CDK14: variants seen among roughly 807,000 people sequenced by gnomAD.
CDK14 encodes the protein cyclin-dependent kinase 14.
CDK14 carries 34 observed loss-of-function variants against 60.7 expected under a neutral mutation model. The ratio of observed to expected loss-of-function variants is 0.56; its 90% confidence interval spans 0.43 to 0.75. The LOEUF (loss-of-function observed/expected upper bound fraction) is 0.75, where lower values mean the gene tolerates loss of function less well. CDK14 is among the 30% of genes least tolerant of loss of function. The probability of loss-of-function intolerance (pLI) is 0.00; values close to 1 mark genes in which losing one functional copy is unlikely to be tolerated. For synonymous variants in CDK14, 197 were observed against 203.7 expected, an observed-to-expected ratio of 0.97 and a Z score of 0.28; for missense variants, 482 against 564.1, an observed-to-expected ratio of 0.85 and a Z score of 1.47.
chr7:91,178,917 A>G (rs1352049233), intron 14 of CDK14, among the ~76,000 whole-genome samples: 1 of 152,136 alleles, frequency 6.6e-6, no homozygotes, highest in Non-Finnish European at 1.5e-5. Flanking sequence ...TCAGGGATCT[A>G]GAACTAGAAA....
chr7:90,939,793 G>A (rs1793862002), intron 8 of CDK14, among the ~76,000 whole-genome samples: 1 of 151,978 alleles, frequency 6.6e-6, no homozygotes, highest in Non-Finnish European at 1.5e-5. Flanking sequence ...GGTTTTAGTA[G>A]CTAAATGAGC....
intron 11 of CDK14, among the ~76,000 whole-genome samples, chr7:91,066,547 T>G (rs1186761370): frequency 6.7e-6 from 1 of 149,222 alleles, no homozygotes; most frequent in Non-Finnish European, 1.5e-5. Context: ...ATAAGGAAAA[T>G]TAAAATTAAT....
intron 2 of CDK14, among the ~76,000 whole-genome samples, chr7:90,626,896 A>G (rs936211759): frequency 1.3e-5 from 2 of 151,536 alleles, no homozygotes; most frequent in Non-Finnish European, 2.9e-5. Context: ...CTCTGATTGC[A>G]CCATCGCACT....
intron 5 of CDK14, among the ~76,000 whole-genome samples, chr7:90,809,016 A>G (rs1788979727): frequency 6.6e-6 from 1 of 152,182 alleles, no homozygotes; most frequent in Admixed American, 6.5e-5. Flanking sequence ...CCATACAATA[A>G]TAATGGGAGA....
chr7:91,157,545 T>C (rs1420759690), intron 14 of CDK14, among the ~76,000 whole-genome samples: 2 of 152,244 alleles, frequency 1.3e-5, no homozygotes, highest in Non-Finnish European at 2.9e-5. Context: ...CATTGTAGCA[T>C]GGCCATTAGG....
chr7:91,089,353 C>T (rs921576623), intron 12 of CDK14, among the ~76,000 whole-genome samples: 4 of 152,058 alleles, frequency 2.6e-5, no homozygotes, highest in South Asian at 2.1e-4. Context: ...ATATGTCTGT[C>T]GGCTGAAGAG....
intron 7 of CDK14, among the ~76,000 whole-genome samples, chr7:90,902,330 G>A (rs756477921): frequency 2.2e-4 from 33 of 151,956 alleles, no homozygotes; most frequent in African/African-American, 6.8e-4. Flanking sequence ...TTCATACTAC[G>A]TGACTTCAAA....
intron 12 of CDK14, among the ~76,000 whole-genome samples, chr7:91,100,424 C>T (rs750005183): frequency 8.5e-5 from 13 of 152,106 alleles, no homozygotes; most frequent in Non-Finnish European, 1.6e-4. Flanking sequence ...GACAGTAGAG[C>T]GGAAACATGA....
At chr7:90,636,041 C>A (rs1179964180) in intron 2 of CDK14, among the ~76,000 whole-genome samples, 4 of 150,764 alleles carry the variant, frequency 2.7e-5, no homozygotes. Context: ...TGGGCTGAGA[C>A]AATGGGGTTT....
chr7:90,726,797 C>G lies in CDK14; in HGVS notation c.354C>G (p.His118Gln), dbSNP rs1357402624. ...TGKESPKVRR[H>Q]SSPSSPTSPK... Reference sequence around the variant, plus strand: ...AAGAGTCACCTAAAGTTAGGCGGCACTCCAGCCCCAGCTCGGTAAGTGCAG... The same window carrying G: ...AAGAGTCACCTAAAGTTAGGCGGCAGTCCAGCCCCAGCTCGGTAAGTGCAG... The change falls in exon 3 of 15, where the codon CAC becomes CAG. Residue 118 changes from histidine (H) to glutamine (Q), a missense_variant. Transcript: ENST00000380050. 1.9e-6 allele frequency: 3 copies of G among 1,613,556 alleles called. No homozygotes were observed. The highest frequency in any genetic ancestry group is 8.5e-7 in the Non-Finnish European group (1 of 1,179,756).
At chr7:91,031,481 T>C (rs1044500177) in intron 10 of CDK14, among the ~76,000 whole-genome samples, 3 of 152,040 alleles carry the variant, frequency 2.0e-5, no homozygotes, top group African/African-American at 7.2e-5. Flanking sequence ...ATAATTAATA[T>C]TATTTTATAA....
intron 14 of CDK14, among the ~76,000 whole-genome samples, chr7:91,203,268 C>A (rs974317261): frequency 1.3e-5 from 2 of 152,152 alleles, no homozygotes; most frequent in Admixed American, 6.5e-5. Context: ...AGTGAATGTG[C>A]CATAGGGAAC....
chr7:90,731,272 G>C (rs1216434207), intron 3 of CDK14, among the ~76,000 whole-genome samples: 1 of 152,156 alleles, frequency 6.6e-6, no homozygotes, highest in East Asian at 1.9e-4. Flanking sequence ...AGTATAGTTT[G>C]AAGTCAGGTA....
At chr7:90,987,356 G>T (rs1165237026) in intron 10 of CDK14, among the ~76,000 whole-genome samples, 1 of 151,926 alleles carries the variant, frequency 6.6e-6, no homozygotes, top group East Asian at 1.9e-4. Context: ...CTCAAATGCA[G>T]ATAAGCATCA....
intron 7 of CDK14, among the ~76,000 whole-genome samples, chr7:90,906,111 C>T (rs956245075): frequency 3.3e-5 from 5 of 152,032 alleles, no homozygotes; most frequent in Non-Finnish European, 7.4e-5. Flanking sequence ...GATATATAAA[C>T]ATTTTTTCAT....
At position 90,790,675 on chromosome 7, in the gene CDK14, A is replaced by G. The variant is rs536768828; in HGVS notation, c.544+23A>G. 6.8e-5 allele frequency: 104 copies of G among 1,540,226 alleles called. 2 individuals are homozygous for G. In the South Asian group the frequency reaches 1.2e-3, roughly 17 times the overall value. On this transcript the variant is annotated intron_variant, in intron 5 of 14. Transcript: ENST00000380050. ...AAGGTAGGCACTTTTCCTTGTTGATATTGCTTTTGTGTTTCTATGGTCCCC... is the reference window on the plus strand; with the variant it reads ...AAGGTAGGCACTTTTCCTTGTTGATGTTGCTTTTGTGTTTCTATGGTCCCC...
At chr7:90,811,018 T>C (rs1287980611) in intron 5 of CDK14, among the ~76,000 whole-genome samples, 2 of 152,146 alleles carry the variant, frequency 1.3e-5, no homozygotes, top group Non-Finnish European at 2.9e-5. Flanking sequence ...GAAGAATCAA[T>C]ATCGTGAGAA....
intron 2 of CDK14, among the ~76,000 whole-genome samples, chr7:90,615,610 G>C (rs888565492): frequency 2.0e-5 from 3 of 152,164 alleles, no homozygotes; most frequent in Admixed American, 6.5e-5. Flanking sequence ...AGGGGGCTGA[G>C]TTGCAGTTAG....
At chr7:91,178,370 C>T (rs1257514703) in intron 14 of CDK14, among the ~76,000 whole-genome samples, 1 of 133,858 alleles carries the variant, frequency 7.5e-6, no homozygotes, top group African/African-American at 2.8e-5. Flanking sequence ...AGAAGAAAAC[C>T]TAGGCATTAC....
Sources: gnomAD v4.1 joint callset for allele counts (sites outside exome capture counted in the v4.1 genomes callset) on GRCh38, gnomAD v4.1.1 for gene constraint, MANE v1.5 for transcripts, NCBI Gene and HGNC (gene_info 2026-07-23, HGNC 2026-07-21) for gene names.